Variants in CAST observed in about 807,000 individuals in gnomAD.
The protein encoded by CAST is calpastatin, also known as MIR583 host.
A neutral mutation model predicts 119.6 loss-of-function variants in CAST; 76 were observed. The observed-to-expected ratio is 0.64, with a 90% CI of 0.53 to 0.77. The LOEUF (loss-of-function observed/expected upper bound fraction) is 0.77. Ranked by LOEUF, CAST falls within the 30% of genes least tolerant of loss-of-function variation. The pLI is 0.00. For missense variants in CAST, 953 were observed against 946.5 expected (o/e 1.01, Z -0.09); for synonymous variants, 319 against 331.6 (o/e 0.96, Z 0.41).
chr5:96,261,686 T>C, the CAST span, among the ~76,000 whole-genome samples: 4 of 152,188 alleles, frequency 2.6e-5, no homozygotes, highest in African/African-American at 9.7e-5. Context: ...AAACAAGGTA[T>C]GTAATAGCTA....
the CAST span, among the ~76,000 whole-genome samples, chr5:96,188,770 A>G: frequency 6.6e-6 from 1 of 152,170 alleles, no homozygotes; most frequent in Non-Finnish European, 1.5e-5. Flanking sequence ...ATAAGTATTG[A>G]GTACTGTGGA....
chr5:95,983,152 A>G, the CAST span, among the ~76,000 whole-genome samples: 90 of 152,334 alleles, frequency 5.9e-4, no homozygotes, highest in Middle Eastern at 3.4e-3. Context: ...ATGTGTGCTT[A>G]GGCAATAAAA....
At chr5:96,413,924 C>G in the CAST span, among the ~76,000 whole-genome samples, 10 of 145,484 alleles carry the variant, frequency 6.9e-5, no homozygotes, top group Non-Finnish European at 1.2e-4. Context: ...TCGAGACCAT[C>G]CTGGCTAACA....
At chr5:96,096,667 A>C in the CAST span, among the ~76,000 whole-genome samples, 31 of 152,188 alleles carry the variant, frequency 2.0e-4, 1 homozygote, top group African/African-American at 2.4e-5. Context: ...ATCATTCTCA[A>C]ATCCTCTTGT....
At chr5:96,743,877 G>A in intron 16 of CAST, 1 of 623,126 alleles carries the variant, frequency 1.6e-6, no homozygotes, top group East Asian at 3.2e-5. Flanking sequence ...GGAGTCAGGA[G>A]GCCAAGCTGA....
At chr5:96,646,901 A>G (rs373515748) in intron 1 of CAST, among the ~76,000 whole-genome samples, 17 of 152,354 alleles carry the variant, frequency 1.1e-4, no homozygotes, top group African/African-American at 4.1e-4. Flanking sequence ...GAAATCACTT[A>G]GCCAAACGAT....
At chr5:96,252,539 G>A in the CAST span, among the ~76,000 whole-genome samples, 1 of 152,004 alleles carries the variant, frequency 6.6e-6, no homozygotes, top group African/African-American at 2.4e-5. Context: ...AGTTAGAGTA[G>A]GTATTAACAG....
chr5:96,409,877 G>A, the CAST span, among the ~76,000 whole-genome samples: 1 of 152,214 alleles, frequency 6.6e-6, no homozygotes, highest in African/African-American at 2.4e-5. Flanking sequence ...GCTTGCAGAA[G>A]TGATCCTGTA....
At chr5:96,638,119 T>C (rs1482139353) in intron 1 of CAST, among the ~76,000 whole-genome samples, 1 of 152,122 alleles carries the variant, frequency 6.6e-6, no homozygotes, top group African/African-American at 2.4e-5. Context: ...CAAAATGCCC[T>C]TTTGGGCCTG....
chr5:96,616,580 T>A (rs1747458612), intron 1 of CAST, among the ~76,000 whole-genome samples: 1 of 152,072 alleles, frequency 6.6e-6, no homozygotes, highest in Non-Finnish European at 1.5e-5. Context: ...ACTGGTACCA[T>A]CTTCACTTTA....
chr5:95,966,556 A>G, the CAST span, among the ~76,000 whole-genome samples: 66 of 152,142 alleles, frequency 4.3e-4, no homozygotes, highest in Non-Finnish European at 7.8e-4. Flanking sequence ...TTCTCTTTCT[A>G]GAAGAGTCTG....
chr5:96,583,106 T>C (rs1018961282), intron 1 of CAST, among the ~76,000 whole-genome samples: 11 of 152,300 alleles, frequency 7.2e-5, no homozygotes, highest in Middle Eastern at 3.4e-3. Context: ...CTTTAATGGT[T>C]TTTATGGCTG....
At position 96,586,513 on chromosome 5, in the gene CAST, G is replaced by A. The variant is rs191469190; in HGVS notation, c.60+56633G>A. On this transcript the variant is annotated intron_variant, in intron 1 of 11. Coordinates refer to the CAST transcript ENST00000505143. Reference sequence around the variant, plus strand: ...AGAAGCCACATTTCCTATCCTGGGAGTTCAATGTAGGTTAGAATCCAGGGG... The same window carrying A: ...AGAAGCCACATTTCCTATCCTGGGAATTCAATGTAGGTTAGAATCCAGGGG... Among the ~76,000 whole-genome samples, 19 of 152,310 alleles carry A rather than the reference G, an allele frequency of 1.2e-4. No individual in the cohort carries two copies. The East Asian group carries it at 3.7e-3, about 29-fold the overall frequency.
At chr5:95,992,379 A>G in the CAST span, among the ~76,000 whole-genome samples, 1 of 151,822 alleles carries the variant, frequency 6.6e-6, no homozygotes, top group Non-Finnish European at 1.5e-5. Flanking sequence ...TCCTGATATT[A>G]TGTGATGAGA....
chr5:96,388,489 G>A, the CAST span, among the ~76,000 whole-genome samples: 1 of 152,306 alleles, frequency 6.6e-6, no homozygotes, highest in African/African-American at 2.4e-5. Context: ...AACTGTGCAA[G>A]CACATTTGAG....
chr5:96,503,943 T>G, the CAST span, among the ~76,000 whole-genome samples: 1 of 152,206 alleles, frequency 6.6e-6, no homozygotes, highest in East Asian at 1.9e-4. Flanking sequence ...AAACCTCATC[T>G]TGTAGCCAAT....
the CAST span, among the ~76,000 whole-genome samples, chr5:96,107,806 T>A: frequency 9.8e-5 from 15 of 152,374 alleles, no homozygotes; most frequent in Admixed American, 7.8e-4. Flanking sequence ...CTGGATAATA[T>A]CCTGCAGAGT....
chr5:96,729,186 G>A lies in CAST; in HGVS notation c.412G>A (p.Gly138Arg), dbSNP rs147364817. ...SVVHEKKSQEGKPKEHTEPKS... is the reference protein window; with the variant it reads ...SVVHEKKSQERKPKEHTEPKS... ...GGTTCATGAGAAAAAATCCCAAGAAGGAAAGCCAAAAGAACACACAGAGGT... is the reference window on the plus strand; with the variant it reads ...GGTTCATGAGAAAAAATCCCAAGAAAGAAAGCCAAAAGAACACACAGAGGT... Residue 138 changes from glycine (G) to arginine (R), a missense_variant, in exon 7 of 32, where the codon GGA becomes AGA. Physicochemically the swap from Gly to Arg is moderately radical, Grantham distance 125. Transcript: ENST00000675179. 5.6e-4 allele frequency: 889 copies of A among 1,599,852 alleles called. 1 individual carries two copies. Among genetic ancestry groups the A allele is most frequent in the Non-Finnish European group, 7.2e-4 (843 of 1,168,356 alleles).
chr5:96,517,685 C>T, the CAST span, among the ~76,000 whole-genome samples: 1 of 152,160 alleles, frequency 6.6e-6, no homozygotes, highest in African/African-American at 2.4e-5. Flanking sequence ...CAGGAAAACA[C>T]CTTCAGGGAG....
Sources: gnomAD v4.1 joint callset for allele counts (sites outside exome capture counted in the v4.1 genomes callset) on GRCh38, gnomAD v4.1.1 for gene constraint, MANE v1.5 for transcripts, NCBI Gene and HGNC (gene_info 2026-07-23, HGNC 2026-07-21) for gene names.